Variants in OTOF observed in about 807,000 individuals in gnomAD.
OTOF encodes otoferlin, also known as fer-1-like family member 2.
In OTOF, 218 loss-of-function variants were observed where a neutral mutation model predicts 236.8. That is an observed-to-expected ratio of 0.92 (90% confidence interval 0.82 to 1.03). OTOF has a LOEUF of 1.03. OTOF is among the 50% of genes least tolerant of loss of function. The pLI is 0.00. For synonymous variants in OTOF, 1,041 were observed against 1,072.5 expected (o/e 0.97, Z 0.57); for missense variants, 2,590 against 2,694.4 (o/e 0.96, Z 0.86).
chr2:26,506,601 A>G (rs1416406768), intron 5 of OTOF, among the ~76,000 whole-genome samples: 5 of 152,224 alleles, frequency 3.3e-5, no homozygotes, highest in Non-Finnish European at 7.3e-5. Flanking sequence ...CCAGGTGGAA[A>G]AGGACCTGAG....
intron 16 of OTOF, among the ~76,000 whole-genome samples, 179 bp downstream of exon 16, chr2:26,480,024 C>T (rs552978523): frequency 2.0e-5 from 3 of 152,382 alleles, no homozygotes; most frequent in East Asian, 1.9e-4. Context: ...CCCATGCACA[C>T]ACAAAGGTGT....
intron 5 of OTOF, among the ~76,000 whole-genome samples, chr2:26,513,934 C>T: frequency 6.6e-6 from 1 of 152,216 alleles, no homozygotes; most frequent in Non-Finnish European, 1.5e-5. Flanking sequence ...GCGGGGCCAG[C>T]TTCCAGGTCC....
rs1416126015 is a variant in OTOF at position 26,538,910 on chromosome 2, T to C, written c.80-1136A>G. 3.3e-5 allele frequency among the ~76,000 whole-genome samples: 5 copies of C among 150,146 alleles called. No homozygotes were observed. In the South Asian group the frequency reaches 8.5e-4, roughly 26 times the overall value. On this transcript the variant is annotated intron_variant, in intron 1 of 46. Coordinates refer to ENST00000272371, the MANE Select transcript of OTOF (RefSeq NM_194248.3). ...CTCACTGCAACCTCCGCCTCCTGGG[T>C]TCAAGCGATTCTCCTGCCTCAGCCT... is the stretch of plus-strand genomic sequence containing the variant.
At chr2:26,483,438 C>T in intron 13 of OTOF, 24 bp downstream of exon 13, 2 of 1,611,120 alleles carry the variant, frequency 1.2e-6, no homozygotes, top group South Asian at 2.2e-5. Context: ...CAGCCCCAGC[C>T]TCCTGTACCT....
chr2:26,465,706 G>T lies in OTOF; in HGVS notation c.4765C>A (p.Arg1589Ser). The change falls in exon 38 of 47, where the codon CGC (arginine) becomes AGC (serine). Residue 1589 changes from arginine to serine, a missense_variant. Physicochemically the swap from Arg to Ser is moderately radical, Grantham distance 110 (BLOSUM62 -1). Transcript: ENST00000272371. Reference sequence around the variant, plus strand: ...GTCTGGGCGATGCCGCAGGTGGCGCGGTGCTTGCTGTAGAAGCGGTTCTCC... The same window carrying T: ...GTCTGGGCGATGCCGCAGGTGGCGCTGTGCTTGCTGTAGAAGCGGTTCTCC... The part of the protein sequence containing the change: ...DLENRFYSKH[R>S]ATCGIAQTYS... The T allele has an allele frequency of 6.2e-7, 1 of 1,614,272 alleles. No individual in the cohort carries two copies. Among genetic ancestry groups the T allele is most frequent in the Non-Finnish European group, 8.5e-7 (1 of 1,180,048 alleles).
intron 8 of OTOF, among the ~76,000 whole-genome samples, chr2:26,500,982 T>C (rs1332068675): frequency 2.0e-5 from 3 of 152,168 alleles, no homozygotes; most frequent in Admixed American, 6.5e-5. Flanking sequence ...TTGCAAGCCC[T>C]GTCCCCTCTG....
rs1209046055 is a variant in OTOF, at chr2:26,473,493, C to A, written c.3483G>T (p.Glu1161Asp). The A allele has an allele frequency of 6.2e-7, 1 of 1,613,140 alleles. No individual in the cohort carries two copies. ...ACGACTGCACCCCCTTCCCTGCACA[C>A]TCGATGTCCACCCGTGGCCGGTCCA... ...AQVDRPRVDI[E>D]CAGKGVQSSL... Residue 1161 changes from glutamate to aspartate, a missense_variant, in exon 28 of 47, where the codon GAG becomes GAT. Physicochemically the swap from Glu to Asp is conservative, Grantham distance 45. Around this residue, in one of 2 missense-constraint regions of OTOF, gnomAD observed 1,211 missense variants for 1,352.8 expected, o/e 0.90. Coordinates refer to ENST00000272371, the MANE Select transcript of OTOF (RefSeq NM_194248.3). This position sits in a 1 kb window ranked among gnomAD's most constrained non-coding sequence, Gnocchi z 7.2.
At position 26,465,753 on chromosome 2, in the gene OTOF, A is replaced by G. The variant is rs111033405; in HGVS notation, c.4718T>C (p.Ile1573Thr). The part of the protein sequence containing the change: ...DWDLVGTDDL[I>T]GETKIDLENR... ...CTCCAGGTCGATCTTGGTTTCCCCAATGAGGTCATCAGTGCCCACCAGGTC... is the reference window on the plus strand; with the variant it reads ...CTCCAGGTCGATCTTGGTTTCCCCAGTGAGGTCATCAGTGCCCACCAGGTC... The change falls in exon 38 of 47, where the codon ATT becomes ACT. Residue 1573 changes from isoleucine (I) to threonine (T), a missense_variant. By Grantham distance (89) the Ile-to-Thr change is moderately conservative. Coordinates refer to ENST00000272371, the MANE Select transcript of OTOF (RefSeq NM_194248.3). 3.1e-5 allele frequency: 50 copies of G among 1,614,094 alleles called. No individual in the cohort carries two copies. The highest frequency in any genetic ancestry group is 4.0e-5 in the African/African-American group (3 of 74,924).
At chr2:26,482,133 C>A (rs1022847710) in intron 14 of OTOF, among the ~76,000 whole-genome samples, 5 of 152,230 alleles carry the variant, frequency 3.3e-5, no homozygotes, top group Non-Finnish European at 7.4e-5. Context: ...ATCATATAAT[C>A]ATTATTATTT....
Position 26,477,549 on chromosome 2 carries a change from G to A in OTOF, c.2316-43C>T. 1 of 1,594,472 alleles carries A rather than the reference G, an allele frequency of 6.3e-7. No homozygotes were observed. The highest frequency in any genetic ancestry group is 8.6e-7 in the Non-Finnish European group (1 of 1,168,692). The stretch of plus-strand genomic sequence containing the variant: ...CGGGGTTTAGCGAGCCTGACCAGCA[G>A]GGGCTCTGTAGATTCTTCCTCATCT... On this transcript the variant is annotated intron_variant, in intron 19 of 46. Transcript: ENST00000272371. The surrounding 1 kb of genome is among the most constrained non-coding windows in gnomAD (Gnocchi z 4.7).
At chr2:26,515,328 C>T (rs1222448256) in intron 5 of OTOF, among the ~76,000 whole-genome samples, 1 of 152,214 alleles carries the variant, frequency 6.6e-6, no homozygotes, top group Non-Finnish European at 1.5e-5. Context: ...TAGACAGTCC[C>T]GCCATGTTTG....
intron 8 of OTOF, among the ~76,000 whole-genome samples, chr2:26,495,920 C>T (rs1450480215): frequency 6.6e-6 from 1 of 152,198 alleles, no homozygotes; most frequent in Admixed American, 6.5e-5. Flanking sequence ...GCCTGCAGGC[C>T]TCTGATACGT....
rs367953553 is a variant in OTOF at position 26,489,728 on chromosome 2, C to T, written c.910G>A (p.Asp304Asn). 26 of 1,612,626 alleles carry T rather than the reference C, an allele frequency of 1.6e-5. No homozygotes were observed. The highest frequency in any genetic ancestry group is 2.2e-5 in the East Asian group (1 of 44,892). ...CPYYNEYFVFDFHVSPDVMFD... is the reference protein window; with the variant it reads ...CPYYNEYFVFNFHVSPDVMFD... The stretch of plus-strand genomic sequence containing the variant: ...ATGACATCCGGAGAGACATGGAAGT[C>T]GAAGACGAAGTACTGGAGGGGGAAG... The change falls in exon 10 of 47, where the codon GAC becomes AAC. Residue 304 changes from aspartate to asparagine, a missense_variant. Transcript: ENST00000272371.
chr2:26,475,385 T>G lies in OTOF; in HGVS notation c.3100A>C (p.Ile1034Leu). The G allele has an allele frequency of 6.2e-7, 1 of 1,613,146 alleles. No individual in the cohort carries two copies. The highest frequency in any genetic ancestry group is 8.5e-7 in the Non-Finnish European group (1 of 1,179,980). ...ELRDDPPIIVIEIYDQDSMGK... is the reference protein window; with the variant it reads ...ELRDDPPIIVLEIYDQDSMGK... ...ATGGAATCCTGGTCATAGATTTCAA[T>G]GACAATGATGGGCGGATCGTCCCTC... Residue 1034 changes from isoleucine (I) to leucine (L), a missense_variant, in exon 25 of 47, where the codon ATT becomes CTT. Transcript: ENST00000272371.
chr2:26,462,296 G>T lies in OTOF; in HGVS notation c.5193-115C>A. The T allele has an allele frequency of 1.1e-6, 1 of 902,678 alleles. No individual in the cohort carries two copies. Among genetic ancestry groups the T allele is most frequent in the Non-Finnish European group, 1.8e-6 (1 of 543,538 alleles). The allele number at this position is 902,678 out of a possible 1,614,324, so 55.9% of individuals were successfully genotyped here. ...CCTGGGGTCTTGGGGTCAGCACAGG[G>T]CCTGGGCCAGGCTGGGGCTGGAGGA... is the stretch of plus-strand genomic sequence containing the variant. On this transcript the variant is annotated intron_variant, in intron 41 of 46. Transcript: ENST00000272371. The surrounding 1 kb of genome is among the most constrained non-coding windows in gnomAD (Gnocchi z 4.7).
intron 5 of OTOF, among the ~76,000 whole-genome samples, chr2:26,514,211 G>A (rs1009108925): frequency 6.6e-6 from 1 of 152,404 alleles, no homozygotes; most frequent in East Asian, 1.9e-4. Context: ...GTGGCAGCAG[G>A]GAAACTGTGC....
At chr2:26,494,898 C>T in intron 9 of OTOF, 44 bp downstream of exon 9, 4 of 1,613,282 alleles carry the variant, frequency 2.5e-6, no homozygotes, top group Non-Finnish European at 3.4e-6. Context: ...GGGCCACCCT[C>T]CTGCCATATT....
At chr2:26,480,414 G>A (rs563274599) in intron 15 of OTOF, 103 bp from the exon 16 acceptor site, 4 of 776,350 alleles carry the variant, frequency 5.2e-6, no homozygotes, top group South Asian at 4.2e-5. Flanking sequence ...GGTGGATGGT[G>A]GGGGCATCCC....
rs1196708363 is a variant in OTOF, at chr2:26,495,032, C to T, written c.807G>A (p.Leu269=). The change falls in exon 9 of 47, where the codon TTG becomes TTA. Residue 269 remains leucine, a synonymous_variant. Coordinates refer to ENST00000272371, the MANE Select transcript of OTOF (RefSeq NM_194248.3). ...TVIEARQLVG[L]NMDPVVCVEV... is the part of the protein sequence containing the mutation. ...CCACGCACACCACAGGGTCCATGTT[C>T]AAGCCCACCAGCTGCCGGGCCTCGA... is the stretch of plus-strand genomic sequence containing the variant. 1 of 1,614,180 alleles carries T rather than the reference C, an allele frequency of 6.2e-7. No individual in the cohort carries two copies. Among genetic ancestry groups the T allele is most frequent in the South Asian group, 1.1e-5 (1 of 91,086 alleles).
Sources: gnomAD v4.1 joint callset for allele counts (sites outside exome capture counted in the v4.1 genomes callset) on GRCh38, gnomAD v4.1.1 for gene constraint, gnomAD v4.1.1 regional missense constraint, Gnocchi (gnomAD v3.1) non-coding constraint, MANE v1.5 for transcripts, NCBI Gene and HGNC (gene_info 2026-07-23, HGNC 2026-07-21) for gene names.